TGFBR3: variants seen among roughly 807,000 people sequenced by gnomAD.
The protein encoded by TGFBR3 is transforming growth factor beta receptor type 3.
Under a neutral mutation model 87.9 loss-of-function variants are expected in TGFBR3, and 46 were observed. The ratio of observed to expected loss-of-function variants is 0.52; its 90% CI spans 0.41 to 0.67. The LOEUF (loss-of-function observed/expected upper bound fraction) is 0.67, where lower values mean the gene tolerates loss of function less well. TGFBR3 is among the 30% of genes least tolerant of loss of function. TGFBR3 has a pLI of 0.00. For synonymous variants in TGFBR3, 381 were observed against 391.6 expected (o/e 0.97, Z 0.32); for missense variants, 866 against 1,041.9 (o/e 0.83, Z 2.32).
chr1:91,802,333 T>A (rs554020548), intron 2 of TGFBR3, among the ~76,000 whole-genome samples: 1 of 152,118 alleles, frequency 6.6e-6, no homozygotes, highest in Admixed American at 6.5e-5. Flanking sequence ...CTCCAGGCCA[T>A]CTCAGACTTA....
intron 3 of TGFBR3, among the ~76,000 whole-genome samples, chr1:91,766,937 C>T (rs1455505404): frequency 2.3e-5 from 3 of 133,142 alleles, no homozygotes; most frequent in Non-Finnish European, 4.9e-5. Flanking sequence ...CTCTTCGACC[C>T]ATCAACAATC....
intron 12 of TGFBR3, among the ~76,000 whole-genome samples, chr1:91,714,816 G>C (rs1307272579): frequency 6.6e-6 from 1 of 152,200 alleles, no homozygotes; most frequent in African/African-American, 2.4e-5. Flanking sequence ...CTTGGCTTAG[G>C]AAAAGCATGT....
intron 2 of TGFBR3, among the ~76,000 whole-genome samples, chr1:91,841,140 A>G (rs1206546587): frequency 1.3e-5 from 2 of 152,170 alleles, no homozygotes; most frequent in Admixed American, 6.5e-5. Context: ...AATGTCTGCC[A>G]AATACTGAAG....
chr1:91,868,043 A>C (rs553256405), intron 1 of TGFBR3, among the ~76,000 whole-genome samples: 136 of 152,262 alleles, frequency 8.9e-4, no homozygotes, highest in Non-Finnish European at 1.5e-3. Flanking sequence ...TCAGCCTCCC[A>C]AATAGCCAGG....
intron 3 of TGFBR3, among the ~76,000 whole-genome samples, chr1:91,764,619 G>A (rs1196424265): frequency 1.3e-5 from 2 of 152,136 alleles, no homozygotes; most frequent in East Asian, 1.9e-4. Flanking sequence ...CCTGATGTGT[G>A]GGTGGTTCGG....
Position 91,721,395 on chromosome 1 carries a change from G to C in TGFBR3, c.1075+560C>G, listed in dbSNP as rs11466594. 7.8e-4 allele frequency among the ~76,000 whole-genome samples: 119 copies of C among 152,234 alleles called. 1 individual carries two copies. Among genetic ancestry groups the C allele is most frequent in the African/African-American group, 2.6e-3 (110 of 41,542 alleles). On this transcript the variant is annotated intron_variant, in intron 8 of 16. Transcript: ENST00000212355. Reference sequence around the variant, plus strand: ...TGTACTCCTAATCCTTATTCTATTGGCATTTCACTCAGTGGTGGTACCATG... The same window carrying C: ...TGTACTCCTAATCCTTATTCTATTGCCATTTCACTCAGTGGTGGTACCATG...
At chr1:91,902,273 G>T (rs4411171) in intron 1 of TGFBR3, among the ~76,000 whole-genome samples, 18,369 of 116,856 alleles carry the variant, frequency 0.16, 1,313 homozygotes, top group African/African-American at 0.22. Context: ...CTTTTCTTTT[G>T]TGTGTGTGTG....
intron 12 of TGFBR3, among the ~76,000 whole-genome samples, chr1:91,715,158 T>C (rs1264624515): frequency 6.6e-6 from 1 of 152,180 alleles, no homozygotes; most frequent in African/African-American, 2.4e-5. Context: ...ATATGCCCAC[T>C]TGAAACACTA....
rs557488858 is a variant in TGFBR3, at chr1:91,866,487, G to C, written c.-113-4843C>G. Among the ~76,000 whole-genome samples the C allele has an allele frequency of 2.6e-5, 4 of 152,228 alleles. No individual in the cohort carries two copies. The South Asian group carries it at 8.3e-4, about 32-fold the overall frequency. ...TGCCAGGCACTGTTCAAGATGCCAG[G>C]GATATAGCAATGAAAAAAAGACGCC... On this transcript the variant is annotated intron_variant, in intron 1 of 16. Transcript: ENST00000212355.
At chr1:91,869,791 A>C (rs572404511) in intron 1 of TGFBR3, among the ~76,000 whole-genome samples, 1 of 152,264 alleles carries the variant, frequency 6.6e-6, no homozygotes, top group African/African-American at 2.4e-5. Flanking sequence ...GACCATCAGC[A>C]TGTTTTACCA....
At chr1:91,757,664 G>T (rs17884684) in intron 4 of TGFBR3, among the ~76,000 whole-genome samples, 11,353 of 152,044 alleles carry the variant, frequency 0.075, 464 homozygotes, top group African/African-American at 0.1. Context: ...ATTCATTTAT[G>T]TACTTATTAT....
rs554507579 is a variant in TGFBR3, at chr1:91,748,151, A to C, written c.384+10462T>G. 5.3e-5 allele frequency among the ~76,000 whole-genome samples: 8 copies of C among 152,336 alleles called. No homozygotes were observed. In the East Asian group the frequency reaches 1.4e-3, roughly 26 times the overall value. The stretch of plus-strand genomic sequence containing the variant: ...ATGGAGGTGAGGCCTCTAGCCCGAA[A>C]TAACTGTGGTTGGAGCCTCCTTGAG... On this transcript the variant is annotated intron_variant, in intron 4 of 16. Coordinates refer to ENST00000212355, the MANE Select transcript of TGFBR3 (RefSeq NM_003243.5).
At chr1:91,709,976 C>G (rs1268947671) in intron 13 of TGFBR3, among the ~76,000 whole-genome samples, 1 of 152,098 alleles carries the variant, frequency 6.6e-6, no homozygotes, top group East Asian at 1.9e-4. Flanking sequence ...CCAGGCTGGT[C>G]TCGAACTCCC....
chr1:91,879,398 A>G (rs867243033), intron 1 of TGFBR3, among the ~76,000 whole-genome samples: 6 of 152,150 alleles, frequency 3.9e-5, no homozygotes, highest in African/African-American at 1.2e-4. Flanking sequence ...AAAACCAGAC[A>G]TTAGGCTCCC....
chr1:91,861,589 C>A lies in TGFBR3; in HGVS notation c.-58G>T. 1 of 1,373,304 alleles carries A rather than the reference C, an allele frequency of 7.3e-7. No homozygotes were observed. Among genetic ancestry groups the A allele is most frequent in the Non-Finnish European group, 1.0e-6 (1 of 960,974 alleles). 85.1% of individuals were successfully genotyped at this position (1,373,304 alleles called of 1,614,324 possible). ...CACTTCAGCCTGCTCAGAGCACAGA[C>A]AATCTTTGCAAATCAGAAGTAGTCT... On this transcript the variant is annotated 5_prime_UTR_variant, in exon 2 of 17. Coordinates refer to ENST00000212355, the MANE Select transcript of TGFBR3 (RefSeq NM_003243.5).
At chr1:91,794,210 T>TG (rs1415667661) in intron 3 of TGFBR3, among the ~76,000 whole-genome samples, 5 of 136,176 alleles carry the variant, frequency 3.7e-5, no homozygotes, top group Non-Finnish European at 6.2e-5. Flanking sequence ...TCCACCTTTT[T>TG]TTTTTGTTGT....
chr1:91,757,689 CTA>C (rs747505026), intron 4 of TGFBR3, among the ~76,000 whole-genome samples: 1 of 152,090 alleles, frequency 6.6e-6, no homozygotes, highest in Non-Finnish European at 1.5e-5. Context: ...ATTGTATTGA[CTA>C]TGGATTCTTA....
At chr1:91,689,609 C>T (rs896472994) in intron 16 of TGFBR3, among the ~76,000 whole-genome samples, 10 of 151,986 alleles carry the variant, frequency 6.6e-5, no homozygotes, top group Non-Finnish European at 1.2e-4. Flanking sequence ...ATCTGATAAG[C>T]AGAAGGAGGA....
chr1:91,785,743 A>C (rs1430972347), intron 3 of TGFBR3, among the ~76,000 whole-genome samples: 2 of 150,428 alleles, frequency 1.3e-5, no homozygotes. Context: ...GAGAGAATGA[A>C]CACACCCTTT....
Sources: allele counts gnomAD v4.1 joint callset (sites outside exome capture counted in the v4.1 genomes callset), GRCh38; gene constraint gnomAD v4.1.1; transcripts MANE v1.5; gene names NCBI Gene and HGNC (gene_info 2026-07-23, HGNC 2026-07-21).